Variants in TENT4B observed in about 807,000 individuals in gnomAD.
TENT4B encodes the protein PAP associated domain containing 5.
In TENT4B, 10 loss-of-function variants were observed where a neutral mutation model predicts 75.0. The ratio of observed to expected loss-of-function variants is 0.13; its 90% CI spans 0.08 to 0.23. The LOEUF (loss-of-function observed/expected upper bound fraction) is 0.23. Ranked by LOEUF, TENT4B falls within the 10% of genes least tolerant of loss-of-function variation. The probability of loss-of-function intolerance (pLI) is 1.00; values close to 1 mark genes in which losing one functional copy is unlikely to be tolerated. For synonymous variants in TENT4B, 350 were observed against 357.7 expected, an observed-to-expected ratio of 0.98 and a Z score of 0.24; for missense variants, 579 against 893.8, an observed-to-expected ratio of 0.65 and a Z score of 4.49.
intron 5 of TENT4B, among the ~76,000 whole-genome samples, chr16:50,220,686 G>A (rs1006296740): frequency 1.3e-5 from 2 of 151,920 alleles, no homozygotes; most frequent in African/African-American, 2.4e-5. Flanking sequence ...GTGCCACCAC[G>A]CTGGGCTAAT....
Position 50,154,035 on chromosome 16 carries a change from C to T in TENT4B, c.414C>T (p.Ser138=). Residue 138 remains serine, a synonymous_variant, in exon 1 of 12, where the codon TCC becomes TCT. Coordinates refer to ENST00000561678, the MANE Select transcript of TENT4B (RefSeq NM_001365324.3). ...SASSPPSASS[S]PHPSAAVPAA... ...CCTCGCCTCCCTCGGCGTCCTCGTC[C>T]CCGCACCCTTCGGCCGCCGTCCCCG... 4 of 1,532,588 alleles carry T rather than the reference C, an allele frequency of 2.6e-6. No homozygotes were observed. Among genetic ancestry groups the T allele is most frequent in the Non-Finnish European group, 3.5e-6 (4 of 1,145,442 alleles). 94.9% of individuals were successfully genotyped at this position (1,532,588 alleles called of 1,614,324 possible).
Position 50,231,701 on chromosome 16 carries a change from G to A in TENT4B, c.*2373G>A, listed in dbSNP as rs2032300160. 1.0e-6 allele frequency: 1 copy of A among 985,684 alleles called. No homozygotes were observed. Among genetic ancestry groups the A allele is most frequent in the African/African-American group, 1.7e-5 (1 of 57,236 alleles). The allele number at this position is 985,684 out of a possible 1,614,324, so 61.1% of individuals were successfully genotyped here. A position where few individuals can be genotyped will look rare whatever the true frequency, so the allele number is the denominator to read the frequency against. On this transcript the variant is annotated 3_prime_UTR_variant, in exon 12 of 12. Transcript: ENST00000561678. ...CTTTCTAAAAGAAAAAAGCATGAAG[G>A]AGAAATTGAGGTGTGTATACATTTC... is the stretch of plus-strand genomic sequence containing the variant.
At chr16:50,201,472 G>A (rs980728190) in intron 1 of TENT4B, among the ~76,000 whole-genome samples, 1 of 152,054 alleles carries the variant, frequency 6.6e-6, no homozygotes, top group Admixed American at 6.5e-5. Flanking sequence ...GGGAGGCAGA[G>A]GTTGCAGTGA....
rs2032301255 is a variant in TENT4B, at chr16:50,231,733, T to C, written c.*2405T>C. ...TGAGGTGTGTATACATTTCCTCAAATGACCAGCATTGTATTCGTGAATACT... is the reference window on the plus strand; with the variant it reads ...TGAGGTGTGTATACATTTCCTCAAACGACCAGCATTGTATTCGTGAATACT... On this transcript the variant is annotated 3_prime_UTR_variant, in exon 12 of 12. Transcript: ENST00000561678. 1.0e-6 allele frequency: 1 copy of C among 985,758 alleles called. No individual in the cohort carries two copies. Among genetic ancestry groups the C allele is most frequent in the Admixed American group, 6.1e-5 (1 of 16,272 alleles). The allele number at this position is 985,758 out of a possible 1,614,324, so 61.1% of individuals were successfully genotyped here. A position where few individuals can be genotyped will look rare whatever the true frequency, so the allele number is the denominator to read the frequency against.
At chr16:50,226,587 C>T (rs2150750606) in intron 10 of TENT4B, among the ~76,000 whole-genome samples, 1 of 152,234 alleles carries the variant, frequency 6.6e-6, no homozygotes, top group Non-Finnish European at 1.5e-5. Context: ...CGCCACCACA[C>T]CCGGCTAATT....
chr16:50,191,165 C>G (rs2038630818), intron 1 of TENT4B, among the ~76,000 whole-genome samples: 1 of 152,174 alleles, frequency 6.6e-6, no homozygotes, highest in Non-Finnish European at 1.5e-5. Flanking sequence ...AATCATGTTG[C>G]TATAGCTGTA....
At chr16:50,173,316 G>A (rs1156720189) in intron 1 of TENT4B, among the ~76,000 whole-genome samples, 1 of 152,104 alleles carries the variant, frequency 6.6e-6, no homozygotes, top group Non-Finnish European at 1.5e-5. Flanking sequence ...ACCTTCTGAA[G>A]GACATTTTGG....
Position 50,233,774 on chromosome 16 carries a change from TGAAA to T in TENT4B, c.*4451_*4454del. The T allele has an allele frequency of 1.0e-6, 1 of 985,378 alleles. No homozygotes were observed. The highest frequency in any genetic ancestry group is 4.7e-5 in the South Asian group (1 of 21,282). 61.0% of individuals were successfully genotyped at this position (985,378 alleles called of 1,614,324 possible). ...TAACCTTGTCTGTAGCCTAGTAGCC[TGAAA>T]GAAAAGGAGACAGAACCAGAGAGAT... On this transcript the variant is annotated 3_prime_UTR_variant, in exon 12 of 12. Transcript: ENST00000561678.
intron 1 of TENT4B, among the ~76,000 whole-genome samples, chr16:50,171,651 T>C (rs2038208755): frequency 6.6e-6 from 1 of 152,184 alleles, no homozygotes; most frequent in Non-Finnish European, 1.5e-5. Flanking sequence ...GGATTTTTTT[T>C]CAACCAAACT....
Position 50,230,337 on chromosome 16 carries a change from C to T in TENT4B, c.*1009C>T. On this transcript the variant is annotated 3_prime_UTR_variant, in exon 12 of 12. Transcript: ENST00000561678. ...AAAAAAGGTCACCCATGTCTGGTCT[C>T]ATTCCTGTTGCAGTGAAACTTCGAG... is the stretch of plus-strand genomic sequence containing the variant. 5 of 980,290 alleles carry T rather than the reference C, an allele frequency of 5.1e-6. No individual in the cohort carries two copies. The highest frequency in any genetic ancestry group is 6.0e-6 in the Non-Finnish European group (5 of 828,552). 60.7% of individuals were successfully genotyped at this position (980,290 alleles called of 1,614,324 possible).
chr16:50,166,447 G>A (rs1375003295), intron 1 of TENT4B, among the ~76,000 whole-genome samples: 1 of 152,118 alleles, frequency 6.6e-6, no homozygotes, highest in Non-Finnish European at 1.5e-5. Flanking sequence ...AAGTAAGTGT[G>A]TCATTTGTGA....
chr16:50,182,638 C>CATGCCAA (rs2038436849), intron 1 of TENT4B, among the ~76,000 whole-genome samples: 2 of 152,078 alleles, frequency 1.3e-5, no homozygotes, highest in Non-Finnish European at 2.9e-5. Flanking sequence ...CCTATGTGAA[C>CATGCCAA]ATGCCAAGGT....
intron 1 of TENT4B, among the ~76,000 whole-genome samples, chr16:50,197,747 A>C (rs1009477281): frequency 4.6e-5 from 7 of 152,188 alleles, no homozygotes; most frequent in Non-Finnish European, 8.8e-5. Context: ...AAACAGCCGG[A>C]TTGGTTACAG....
chr16:50,164,016 G>A (rs1405288575), intron 1 of TENT4B, among the ~76,000 whole-genome samples: 1 of 151,856 alleles, frequency 6.6e-6, no homozygotes, highest in East Asian at 2.0e-4. Context: ...AATTAGCCGG[G>A]CGTGGTGGCA....
intron 1 of TENT4B, among the ~76,000 whole-genome samples, chr16:50,161,913 TTC>T (rs2038010059): frequency 1.3e-5 from 2 of 151,232 alleles, no homozygotes; most frequent in Non-Finnish European, 3.0e-5. Flanking sequence ...CAGTCTATAG[TTC>T]TATATACAGA....
At chr16:50,187,716 T>C (rs546253265) in intron 1 of TENT4B, among the ~76,000 whole-genome samples, 17 of 152,110 alleles carry the variant, frequency 1.1e-4, no homozygotes, top group Non-Finnish European at 1.5e-4. Context: ...TTATTTTTAT[T>C]ATTATGTTAC....
chr16:50,153,972 G>A lies in TENT4B; in HGVS notation c.351G>A (p.Gln117=), dbSNP rs766782389. 130 of 1,533,928 alleles carry A rather than the reference G, an allele frequency of 8.5e-5. No homozygotes were observed. The highest frequency in any genetic ancestry group is 9.7e-5 in the Non-Finnish European group (111 of 1,146,130). ...CCAACAACAACAACAACCACCACCA[G>A]CCCGGGGCCTGGGCCCGCCGGGCGG... The part of the protein sequence containing the change: ...ETTNNNNNHH[Q]PGAWARRAGS... Residue 117 remains glutamine, a synonymous_variant, in exon 1 of 12, where the codon CAG becomes CAA. Coordinates refer to ENST00000561678, the MANE Select transcript of TENT4B (RefSeq NM_001365324.3).
chr16:50,166,479 A>G (rs1391199946), intron 1 of TENT4B, among the ~76,000 whole-genome samples: 1 of 152,254 alleles, frequency 6.6e-6, no homozygotes, highest in Non-Finnish European at 1.5e-5. Flanking sequence ...AGTGGTGACT[A>G]AAAATGTTGA....
chr16:50,218,603 C>T (rs1449922460), intron 5 of TENT4B, among the ~76,000 whole-genome samples: 2 of 151,856 alleles, frequency 1.3e-5, no homozygotes, highest in Non-Finnish European at 2.9e-5. Context: ...CCGCCTACCT[C>T]GGCCTCCCAA....
Sources: gnomAD v4.1 joint callset for allele counts (sites outside exome capture counted in the v4.1 genomes callset) on GRCh38, gnomAD v4.1.1 for gene constraint, MANE v1.5 for transcripts, NCBI Gene and HGNC (gene_info 2026-07-23, HGNC 2026-07-21) for gene names.